The following SRRM2 variants were observed in gnomAD, a reference collection of about 807,000 sequenced individuals.
SRRM2 encodes the protein serine/arginine repetitive matrix protein 2.
Under a neutral mutation model 213.8 loss-of-function variants are expected in SRRM2, and 30 were observed. The observed-to-expected ratio is 0.14, with a 90% CI of 0.10 to 0.19. The LOEUF is 0.19. Ranked by LOEUF, SRRM2 falls within the 10% of genes least tolerant of loss-of-function variation. The pLI is 1.00. For missense variants in SRRM2, 4,904 were observed against 3,647.0 expected (o/e 1.34, Z -8.88); for synonymous variants, 2,025 against 1,377.7 (o/e 1.47, Z -10.40).
At chr16:2,758,044 TC>T in intron 4 of SRRM2, 99 bp downstream of exon 4, 1 of 1,432,566 alleles carries the variant, frequency 7.0e-7, no homozygotes, top group South Asian at 1.4e-5. Context: ...CCCAAACTCT[TC>T]AGATTTTGTT....
In SRRM2 at chr16:2,762,327, C is replaced by T; in HGVS notation, c.1799C>T (p.Thr600Ile). The change falls in exon 11 of 15, where the codon ACC (threonine) becomes ATC (isoleucine). Residue 600 changes from threonine (T) to isoleucine (I), a missense_variant. Transcript: ENST00000301740. ...ARRRSRSRTP[T>I]RRRSRSRTPA... The stretch of plus-strand genomic sequence containing the variant: ...CGGAGATCACGATCCAGAACTCCCA[C>T]CAGGCGTAGGTCTCGGTCTAGAACA... The T allele has an allele frequency of 1.2e-6, 2 of 1,614,186 alleles. No individual in the cohort carries two copies. Among genetic ancestry groups the T allele is most frequent in the Non-Finnish European group, 1.7e-6 (2 of 1,180,018 alleles).
rs1018945462 is a variant in SRRM2, at chr16:2,752,831, C to T, written c.-47C>T. ...CAAGACCTCTCCCCCTCGGAGGCGG[C>T]GGGCGGAGGCGGCGGGTGAGAGGGT... is the stretch of plus-strand genomic sequence containing the variant. On this transcript the variant is annotated 5_prime_UTR_variant, in exon 1 of 15. Transcript: ENST00000301740. 33 of 285,982 alleles carry T rather than the reference C, an allele frequency of 1.2e-4. No individual in the cohort carries two copies. The highest frequency in any genetic ancestry group is 3.2e-4 in the Admixed American group (7 of 21,852). The allele number at this position is 285,982 out of a possible 1,614,324, so 17.7% of individuals were successfully genotyped here. A position where few individuals can be genotyped will look rare whatever the true frequency, so the allele number is the denominator to read the frequency against.
rs2068468286 is a variant in SRRM2, at chr16:2,764,412, CAGTAGA to C, written c.3888_3893del (p.Glu1297_Val1298del). 1 of 1,612,898 alleles carries C rather than the reference CAGTAGA, an allele frequency of 6.2e-7. No individual in the cohort carries two copies. The highest frequency in any genetic ancestry group is 1.1e-5 in the South Asian group (1 of 90,786). ...AGCCAGTCACAGGCTTCTTTGGAAG[CAGTAGA>C]AGTCCCTTCAATGGCCTCATCTTGG... On this transcript the variant is annotated inframe_deletion, in exon 11 of 15. Transcript: ENST00000301740.
chr16:2,758,875 G>C (rs963144243), intron 5 of SRRM2, 110 bp from the exon 6 acceptor site: 16 of 1,179,288 alleles, frequency 1.4e-5, no homozygotes, highest in Admixed American at 1.1e-4. Context: ...GGGCATTAGT[G>C]CTATTAGGAC....
At position 2,763,483 on chromosome 16, in the gene SRRM2, A is replaced by T; in HGVS notation, c.2955A>T (p.Pro985=). 6.2e-7 allele frequency: 1 copy of T among 1,614,208 alleles called. No homozygotes were observed. The highest frequency in any genetic ancestry group is 8.5e-7 in the Non-Finnish European group (1 of 1,180,036). The change falls in exon 11 of 15, where the codon CCA becomes CCT. Residue 985 remains proline, a synonymous_variant. Coordinates refer to ENST00000301740, the MANE Select transcript of SRRM2 (RefSeq NM_016333.4). ...PDTKVKPETP[P]RQSHSGSISP... ...CCAAAGTGAAACCTGAAACACCGCCAAGACAAAGTCACTCAGGGTCTATTT... is the reference window on the plus strand; with the variant it reads ...CCAAAGTGAAACCTGAAACACCGCCTAGACAAAGTCACTCAGGGTCTATTT...
At chr16:2,769,723 A>G (rs1227549303) in intron 12 of SRRM2, 1 of 474,096 alleles carries the variant, frequency 2.1e-6, no homozygotes, top group South Asian at 1.5e-5. Flanking sequence ...CCTCCACTCC[A>G]CAAATCCTTC....
Position 2,763,942 on chromosome 16 carries a change from C to T in SRRM2, c.3414C>T (p.Phe1138=). The part of the protein sequence containing the change: ...KSGMSPEQSR[F]QSDSSSYPTV... ...GAATGTCTCCTGAGCAGAGCAGGTT[C>T]CAGTCTGACTCTTCTTCATATCCTA... The change falls in exon 11 of 15, where the codon TTC becomes TTT. Residue 1138 remains phenylalanine, a synonymous_variant. Coordinates refer to ENST00000301740, the MANE Select transcript of SRRM2 (RefSeq NM_016333.4). The T allele has an allele frequency of 1.9e-6, 3 of 1,614,198 alleles. No individual in the cohort carries two copies. The highest frequency in any genetic ancestry group is 2.2e-5 in the East Asian group (1 of 44,884).
intron 9 of SRRM2, 72 bp downstream of exon 9, chr16:2,759,733 C>T (rs2068272770): frequency 7.0e-7 from 1 of 1,429,510 alleles, no homozygotes; most frequent in Admixed American, 1.7e-5. Context: ...TATTGAGCGC[C>T]CACGGTGTGC....
chr16:2,752,763 GC>G lies in SRRM2; in HGVS notation c.-111del, dbSNP rs1567213175. ...GGCGGACCGGCGAGGCGAGGCGGCGGCCCCAGGCCCGAGGGACTCGGGAGCT... is the reference window on the plus strand; with the variant it reads ...GGCGGACCGGCGAGGCGAGGCGGCGGCCCAGGCCCGAGGGACTCGGGAGCT... On this transcript the variant is annotated 5_prime_UTR_variant, in exon 1 of 15. Transcript: ENST00000301740. 1.1e-5 allele frequency: 4 copies of G among 359,076 alleles called. No individual in the cohort carries two copies. The highest frequency in any genetic ancestry group is 3.5e-5 in the Admixed American group (1 of 28,676). 22.2% of individuals were successfully genotyped at this position (359,076 alleles called of 1,614,324 possible).
rs138453509 is a variant in SRRM2, at chr16:2,769,264, G to A, written c.8001G>A (p.Lys2667=). ...TGCCCAAACCTGCAAGCCCCAAGAAGCCACCCCCTGGCGAGCGGAGGTGAG... is the reference window on the plus strand; with the variant it reads ...TGCCCAAACCTGCAAGCCCCAAGAAACCACCCCCTGGCGAGCGGAGGTGAG... ...QALPKPASPK[K]PPPGERRSRS... is the part of the protein sequence containing the mutation. The change falls in exon 12 of 15, where the codon AAG becomes AAA. Residue 2667 remains lysine (K), a synonymous_variant. Coordinates refer to ENST00000301740, the MANE Select transcript of SRRM2 (RefSeq NM_016333.4). 6.4e-7 allele frequency: 1 copy of A among 1,564,380 alleles called. No individual in the cohort carries two copies. The highest frequency in any genetic ancestry group is 8.7e-7 in the Non-Finnish European group (1 of 1,154,522).
rs1234217444 is a variant in SRRM2 at position 2,768,129 on chromosome 16, C to T, written c.7601C>T (p.Ser2534Phe). 3.1e-6 allele frequency: 5 copies of T among 1,613,874 alleles called. No homozygotes were observed. The South Asian group carries it at 5.5e-5, about 18-fold the overall frequency. ...LQPAKERRSS[S>F]SSSSSSSSSS... ...CCAGCAAAGGAGCGGCGGAGTTCCT[C>T]CTCGTCGTCGTCGTCCTCTAGCTCC... Residue 2534 changes from serine (S) to phenylalanine (F), a missense_variant, in exon 11 of 15, where the codon TCC becomes TTC. Transcript: ENST00000301740.
chr16:2,756,551 A>C lies in SRRM2; in HGVS notation c.187A>C (p.Lys63Gln). ...TCCTGACATCCTGGACCACGAGCGC[A>C]AGCGGCGCGTCGAGCTGCGATGCCT... ...PNPDILDHER[K>Q]RRVELRCLEL... Residue 63 changes from lysine to glutamine, a missense_variant, in exon 2 of 15, where the codon AAG becomes CAG. Coordinates refer to ENST00000301740, the MANE Select transcript of SRRM2 (RefSeq NM_016333.4). The C allele has an allele frequency of 6.2e-7, 1 of 1,614,076 alleles. No individual in the cohort carries two copies. Among genetic ancestry groups the C allele is most frequent in the Non-Finnish European group, 8.5e-7 (1 of 1,179,990 alleles).
intron 1 of SRRM2, 118 bp downstream of exon 1, chr16:2,752,964 G>T (rs974142319): frequency 3.4e-4 from 53 of 153,900 alleles, no homozygotes; most frequent in African/African-American, 8.0e-4. Flanking sequence ...ACGCGCGCTC[G>T]ACGCCCTTCG....
Position 2,771,302 on chromosome 16 carries a change from T to C in SRRM2, c.*435T>C, listed in dbSNP as rs2068739789. The C allele has an allele frequency of 9.3e-7, 1 of 1,072,284 alleles. No individual in the cohort carries two copies. The allele number at this position is 1,072,284 out of a possible 1,614,324, so 66.4% of individuals were successfully genotyped here. Reference sequence around the variant, plus strand: ...TTGGTCCCTACTGTCCCCCATGAGGTTGTGAACCCCTCCCCCCAACTTTTC... The same window carrying C: ...TTGGTCCCTACTGTCCCCCATGAGGCTGTGAACCCCTCCCCCCAACTTTTC... On this transcript the variant is annotated 3_prime_UTR_variant, in exon 15 of 15. Coordinates refer to ENST00000301740, the MANE Select transcript of SRRM2 (RefSeq NM_016333.4).
chr16:2,760,252 C>T lies in SRRM2; in HGVS notation c.834-49C>T, dbSNP rs776122674. On this transcript the variant is annotated intron_variant, in intron 9 of 14. Transcript: ENST00000301740. ...TTGGGGAGGGGGTTTTCTGTTCTCC[C>T]TTTGAGCTGATTTCCTTCCTCTCCC... The T allele has an allele frequency of 1.3e-5, 21 of 1,574,394 alleles. No individual in the cohort carries two copies. The African/African-American group carries it at 2.0e-4, about 15-fold the overall frequency.
chr16:2,757,449 C>A (rs909106034), intron 2 of SRRM2, 23 bp from the exon 3 acceptor site: 1 of 1,606,960 alleles, frequency 6.2e-7, no homozygotes, highest in African/African-American at 1.3e-5. Context: ...TCGAGCTTAA[C>A]CCTGAAGGGA....
intron 12 of SRRM2, chr16:2,770,114 C>G: frequency 2.1e-6 from 3 of 1,406,766 alleles, no homozygotes; most frequent in Non-Finnish European, 2.8e-6. Context: ...CACCACTGAG[C>G]TCCTTCAAGG....
chr16:2,763,120 T>C lies in SRRM2; in HGVS notation c.2592T>C (p.Ser864=). 1 of 1,614,060 alleles carries C rather than the reference T, an allele frequency of 6.2e-7. No homozygotes were observed. The highest frequency in any genetic ancestry group is 8.5e-7 in the Non-Finnish European group (1 of 1,180,004). Reference sequence around the variant, plus strand: ...CAAGTCCCCAGGCCAATGAGCAATCTGTAACGCCACAGAGACGGAGCTGTT... The same window carrying C: ...CAAGTCCCCAGGCCAATGAGCAATCCGTAACGCCACAGAGACGGAGCTGTT... The part of the protein sequence containing the change: ...SITSPQANEQ[S]VTPQRRSCFE... The change falls in exon 11 of 15, where the codon TCT becomes TCC. Residue 864 remains serine, a synonymous_variant. Transcript: ENST00000301740.
rs545241102 is a variant in SRRM2 at position 2,758,135 on chromosome 16, G to A, written c.515+190G>A. ...CACGCGCGTAATCCCAGCATTTTGG[G>A]AAGCTCAGGCAGGAGATCACTTGAG... is the stretch of plus-strand genomic sequence containing the variant. On this transcript the variant is annotated intron_variant, in intron 4 of 14. Transcript: ENST00000301740. 2.6e-5 allele frequency among the ~76,000 whole-genome samples: 4 copies of A among 152,302 alleles called. No individual in the cohort carries two copies. The South Asian group carries it at 8.3e-4, about 32-fold the overall frequency.
Sources: gnomAD v4.1 joint callset for allele counts (sites outside exome capture counted in the v4.1 genomes callset) on GRCh38, gnomAD v4.1.1 for gene constraint, MANE v1.5 for transcripts, NCBI Gene and HGNC (gene_info 2026-07-23, HGNC 2026-07-21) for gene names.